The following ITGA11 variants were observed in gnomAD, a reference collection of about 807,000 sequenced individuals.
ITGA11 encodes the protein integrin alpha-11.
Under a neutral mutation model 141.9 loss-of-function variants are expected in ITGA11, and 97 were observed. The observed-to-expected ratio is 0.68, with a 90% CI of 0.58 to 0.81. ITGA11 has a LOEUF of 0.81. Ranked by LOEUF, ITGA11 falls within the 30% of genes least tolerant of loss-of-function variation. The pLI is 0.00. For synonymous variants in ITGA11, 658 were observed against 624.6 expected (o/e 1.05, Z -0.80); for missense variants, 1,387 against 1,559.2 (o/e 0.89, Z 1.86).
chr15:68,374,273 T>C (rs1378027281), intron 2 of ITGA11, among the ~76,000 whole-genome samples: 1 of 152,222 alleles, frequency 6.6e-6, no homozygotes, highest in Admixed American at 6.5e-5. Context: ...CCTAGCCTTG[T>C]GGCAACAGAA....
chr15:68,431,948 G>T (rs1485609629), intron 1 of ITGA11, 67 bp downstream of exon 1: 2 of 1,137,166 alleles, frequency 1.8e-6, no homozygotes, highest in Non-Finnish European at 2.3e-6. Flanking sequence ...CTGGCCGCTG[G>T]ATCCAAGCCC....
In ITGA11 at chr15:68,311,304, A is replaced by G. The variant is rs1460064253; in HGVS notation, c.3073T>C (p.Phe1025Leu). 1.9e-6 allele frequency: 3 copies of G among 1,570,548 alleles called. No individual in the cohort carries two copies. The highest frequency in any genetic ancestry group is 1.9e-5 in the Admixed American group (1 of 54,046). ...SGNRLLKLRD[F>L]LTDEANTSCN... ...GCCATCACCACCTCGTCCGTGAGGAAGTCCCTCAGCTTCAGTAGGCGGTTG... is the reference window on the plus strand; with the variant it reads ...GCCATCACCACCTCGTCCGTGAGGAGGTCCCTCAGCTTCAGTAGGCGGTTG... Residue 1025 changes from phenylalanine (F) to leucine (L), a missense_variant, in exon 25 of 30, where the codon TTC (phenylalanine) becomes CTC (leucine). Coordinates refer to ENST00000315757, the MANE Select transcript of ITGA11 (RefSeq NM_001004439.2).
chr15:68,389,947 C>G (rs889009580), intron 2 of ITGA11, among the ~76,000 whole-genome samples: 1 of 152,288 alleles, frequency 6.6e-6, no homozygotes, highest in East Asian at 1.9e-4. Context: ...GCTGCTGGGA[C>G]ATCAAATGGT....
At position 68,324,960 on chromosome 15, in the gene ITGA11, G is replaced by A. The variant is rs534600794; in HGVS notation, c.2322+171C>T. On this transcript the variant is annotated intron_variant, in intron 18 of 29. Transcript: ENST00000315757. The surrounding 1 kb of genome is among the most constrained non-coding windows in gnomAD (Gnocchi z 6.3). Reference sequence around the variant, plus strand: ...TCTGCTAACACTCAGCACAGGCCCCGAGAGAGGCAGGAAGGAGCCACACTG... The same window carrying A: ...TCTGCTAACACTCAGCACAGGCCCCAAGAGAGGCAGGAAGGAGCCACACTG... 7.2e-5 allele frequency among the ~76,000 whole-genome samples: 11 copies of A among 152,262 alleles called. No homozygotes were observed. Among genetic ancestry groups the A allele is most frequent in the South Asian group, 2.1e-4 (1 of 4,818 alleles).
intron 2 of ITGA11, among the ~76,000 whole-genome samples, chr15:68,391,295 G>T (rs545342586): frequency 7.9e-5 from 12 of 152,330 alleles, no homozygotes; most frequent in Non-Finnish European, 1.0e-4. Flanking sequence ...GTGGGACCCT[G>T]CCCACCTGGG....
chr15:68,387,692 C>T (rs1896019790), intron 2 of ITGA11, among the ~76,000 whole-genome samples: 2 of 152,070 alleles, frequency 1.3e-5, no homozygotes, highest in Admixed American at 6.5e-5. Flanking sequence ...TAGAGGCTGC[C>T]CAGTGCTGTG....
rs1345315561 is a variant in ITGA11 at position 68,326,353 on chromosome 15, C to A, written c.2211+301G>T. On this transcript the variant is annotated intron_variant, in intron 17 of 29. Coordinates refer to ENST00000315757, the MANE Select transcript of ITGA11 (RefSeq NM_001004439.2). The surrounding 1 kb of genome is among the most constrained non-coding windows in gnomAD (Gnocchi z 6.8). ...GCTTATCCCTCCCTTTGGGGCTGTG[C>A]CCCCCACCAGCTGCTCCTAGTTCTC... Among the ~76,000 whole-genome samples, 1 of 152,154 alleles carries A rather than the reference C, an allele frequency of 6.6e-6. No individual in the cohort carries two copies. Among genetic ancestry groups the A allele is most frequent in the Non-Finnish European group, 1.5e-5 (1 of 68,022 alleles).
At chr15:68,389,527 C>T (rs570551771) in intron 2 of ITGA11, among the ~76,000 whole-genome samples, 1 of 152,346 alleles carries the variant, frequency 6.6e-6, no homozygotes, top group East Asian at 1.9e-4. Flanking sequence ...CCAGTCTTGC[C>T]TCTACCTCTG....
At chr15:68,414,626 C>T (rs143376986) in intron 1 of ITGA11, among the ~76,000 whole-genome samples, 1 of 152,208 alleles carries the variant, frequency 6.6e-6, no homozygotes, top group African/African-American at 2.4e-5. Context: ...TCCGCCTCCT[C>T]TGGACTTATT....
chr15:68,422,046 G>C (rs1048499076), intron 1 of ITGA11, among the ~76,000 whole-genome samples: 2 of 152,154 alleles, frequency 1.3e-5, no homozygotes, highest in African/African-American at 4.8e-5. Context: ...GTCCGAATTT[G>C]AATTCTCTTT....
At chr15:68,355,447 C>CTTTTTT (rs530960844) in intron 7 of ITGA11, among the ~76,000 whole-genome samples, 2 of 150,772 alleles carry the variant, frequency 1.3e-5, no homozygotes, top group Non-Finnish European at 1.5e-5. Context: ...TTCTTTTTTT[C>CTTTTTT]TTTTTTTCTT....
intron 5 of ITGA11, among the ~76,000 whole-genome samples, chr15:68,360,710 C>T (rs1895215099): frequency 6.6e-6 from 1 of 152,142 alleles, no homozygotes. Flanking sequence ...CTCACGTACC[C>T]TGACCTCAGG....
chr15:68,317,180 C>A (rs1893608696), intron 21 of ITGA11, 85 bp downstream of exon 21: 1 of 925,252 alleles, frequency 1.1e-6, no homozygotes, highest in Non-Finnish European at 1.8e-6. Flanking sequence ...TGTGTTCACT[C>A]TTGTTGCTCT....
chr15:68,337,077 G>T (rs186496467), intron 11 of ITGA11, among the ~76,000 whole-genome samples: 2 of 152,282 alleles, frequency 1.3e-5, no homozygotes, highest in East Asian at 1.9e-4. Context: ...GTAGGGCAAA[G>T]GTTTCTTCTG....
At chr15:68,332,190 A>G in intron 13 of ITGA11, 128 bp from the exon 14 acceptor site, 1 of 1,241,308 alleles carries the variant, frequency 8.1e-7, no homozygotes, top group Non-Finnish European at 1.1e-6. Flanking sequence ...CTCTGGCTAT[A>G]TGAACCCAGC....
chr15:68,412,966 G>A (rs1043328132), intron 1 of ITGA11, among the ~76,000 whole-genome samples: 3 of 152,066 alleles, frequency 2.0e-5, no homozygotes, highest in Non-Finnish European at 2.9e-5. Context: ...GTGAGCCACT[G>A]GCACCCAGCC....
At chr15:68,393,943 C>T (rs1222681426) in intron 2 of ITGA11, among the ~76,000 whole-genome samples, 1 of 152,118 alleles carries the variant, frequency 6.6e-6, no homozygotes, top group East Asian at 1.9e-4. Context: ...TGGAATCAAA[C>T]TGTCGTAAAG....
At chr15:68,370,889 C>G (rs4776400) in intron 2 of ITGA11, among the ~76,000 whole-genome samples, 120,822 of 152,082 alleles carry the variant, frequency 0.79, 48,400 homozygotes, top group East Asian at 1. Context: ...GGCTGCATGG[C>G]ACTTAAGTGG....
At position 68,403,937 on chromosome 15, in the gene ITGA11, TA is replaced by T. The variant is rs576571055; in HGVS notation, c.53-909del. On this transcript the variant is annotated intron_variant, in intron 1 of 29. Transcript: ENST00000315757. ...GCCTAATACAGACCCTGTACATGGA[TA>T]GGGGGGACATAAAACCTGCTCTCAA... Among the ~76,000 whole-genome samples, 60 of 152,236 alleles carry T rather than the reference TA, an allele frequency of 3.9e-4. No individual in the cohort carries two copies. In the East Asian group the frequency reaches 8.9e-3, roughly 23 times the overall value.
Sources: allele counts gnomAD v4.1 joint callset (sites outside exome capture counted in the v4.1 genomes callset), GRCh38; gene constraint gnomAD v4.1.1; non-coding constraint Gnocchi (gnomAD v3.1); transcripts MANE v1.5; gene names NCBI Gene and HGNC (gene_info 2026-07-23, HGNC 2026-07-21).